FAM13C: variants seen among roughly 807,000 people sequenced by gnomAD.
FAM13C encodes the protein protein FAM13C.
Under a neutral mutation model 73.2 loss-of-function variants are expected in FAM13C, and 37 were observed. That is an observed-to-expected ratio of 0.51 (90% CI 0.39 to 0.67). The LOEUF is 0.67. FAM13C is among the 30% of genes least tolerant of loss of function. The probability of loss-of-function intolerance (pLI) is 0.00; values close to 1 mark genes in which losing one functional copy is unlikely to be tolerated. For synonymous variants in FAM13C, 246 were observed against 260.9 expected (o/e 0.94, Z 0.55); for missense variants, 589 against 715.6 (o/e 0.82, Z 2.02).
At chr10:59,284,385 G>T (rs771345342) in intron 5 of FAM13C, among the ~76,000 whole-genome samples, 1 of 151,964 alleles carries the variant, frequency 6.6e-6, no homozygotes, top group African/African-American at 2.4e-5. Flanking sequence ...GGTCTCAGCT[G>T]CTCTTCTGTC....
chr10:59,361,224 A>C (rs1589751178), intron 1 of FAM13C: 1 of 558,956 alleles, frequency 1.8e-6, no homozygotes, highest in Non-Finnish European at 2.8e-6. Flanking sequence ...TTTTTTTTTT[A>C]AGTGACTCCA....
chr10:59,279,331 G>T (rs1844672029), intron 6 of FAM13C, among the ~76,000 whole-genome samples: 1 of 152,194 alleles, frequency 6.6e-6, no homozygotes, highest in Non-Finnish European at 1.5e-5. Flanking sequence ...GGTTGACTCT[G>T]ACCTATGTCA....
chr10:59,358,741 G>GT (rs1856027654), intron 1 of FAM13C, among the ~76,000 whole-genome samples: 1 of 152,132 alleles, frequency 6.6e-6, no homozygotes, highest in Admixed American at 6.5e-5. Flanking sequence ...AGTACAATCA[G>GT]TTAAAAATGG....
chr10:59,359,819 T>C (rs1408001719), intron 1 of FAM13C, among the ~76,000 whole-genome samples: 1 of 152,248 alleles, frequency 6.6e-6, no homozygotes, highest in African/African-American at 2.4e-5. Flanking sequence ...TCCAGTCCCC[T>C]TCCCCAGTTG....
intron 3 of FAM13C, among the ~76,000 whole-genome samples, chr10:59,346,299 AG>A (rs1185406141): frequency 6.6e-6 from 1 of 152,240 alleles, no homozygotes; most frequent in Non-Finnish European, 1.5e-5. Flanking sequence ...CCAGAAATAT[AG>A]TAAATATTTT....
intron 4 of FAM13C, among the ~76,000 whole-genome samples, chr10:59,313,147 G>C (rs1473399481): frequency 6.6e-6 from 1 of 152,184 alleles, no homozygotes; most frequent in Non-Finnish European, 1.5e-5. Flanking sequence ...GGATCATCCA[G>C]TGATAACACC....
chr10:59,270,236 G>T, intron 6 of FAM13C, 127 bp from the exon 7 acceptor site: 1 of 883,504 alleles, frequency 1.1e-6, no homozygotes, highest in Non-Finnish European at 1.7e-6. Context: ...TCCTTCTGGG[G>T]ATATGAAAAG....
At chr10:59,349,611 A>AAAAT (rs1393663895) in intron 3 of FAM13C, among the ~76,000 whole-genome samples, 1 of 151,986 alleles carries the variant, frequency 6.6e-6, no homozygotes, top group Non-Finnish European at 1.5e-5. Flanking sequence ...ACAAAAAAAA[A>AAAAT]AATTAGCAGG....
At chr10:59,318,145 A>T (rs867165358) in intron 4 of FAM13C, among the ~76,000 whole-genome samples, 3 of 151,296 alleles carry the variant, frequency 2.0e-5, no homozygotes, top group Admixed American at 6.6e-5. Context: ...CACTTATTTG[A>T]TTATTAGTAG....
At chr10:59,273,641 T>C (rs1207876065) in intron 6 of FAM13C, among the ~76,000 whole-genome samples, 1 of 152,136 alleles carries the variant, frequency 6.6e-6, no homozygotes, top group Non-Finnish European at 1.5e-5. Context: ...GTTGCGTAAC[T>C]AGGCTATCTC....
At chr10:59,302,761 G>T (rs751931257) in intron 5 of FAM13C, 40 bp downstream of exon 5, 17 of 1,537,846 alleles carry the variant, frequency 1.1e-5, no homozygotes, top group Non-Finnish European at 1.5e-5. Context: ...CTCATGATTG[G>T]CTAATTCATG....
At chr10:59,296,821 A>G (rs1386164922) in intron 5 of FAM13C, 1 of 152,230 alleles carries the variant, frequency 6.6e-6, no homozygotes, top group Non-Finnish European at 1.5e-5. Context: ...TGATGAGGAC[A>G]CACACAAATC....
At chr10:59,351,580 T>G (rs1048540261) in intron 3 of FAM13C, among the ~76,000 whole-genome samples, 7 of 152,184 alleles carry the variant, frequency 4.6e-5, no homozygotes, top group African/African-American at 1.7e-4. Context: ...TGGATGAAAC[T>G]GAGACTTCTG....
intron 6 of FAM13C, among the ~76,000 whole-genome samples, chr10:59,281,595 C>T (rs146717564): frequency 4.2e-4 from 64 of 152,330 alleles, no homozygotes; most frequent in African/African-American, 1.5e-3. Flanking sequence ...TTCTGCACAT[C>T]TCTGCCATTT....
At chr10:59,339,547 C>T (rs1853211370) in intron 3 of FAM13C, among the ~76,000 whole-genome samples, 1 of 152,144 alleles carries the variant, frequency 6.6e-6, no homozygotes, top group Admixed American at 6.5e-5. Flanking sequence ...TCCAACAGTA[C>T]ATGGATGATA....
upstream of FAM13C, chr10:59,362,664 G>A (rs2132255052): frequency 8.0e-7 from 1 of 1,251,616 alleles, no homozygotes; most frequent in South Asian, 1.6e-5. Flanking sequence ...CAGCCCGCGA[G>A]GCTGCGGGGA....
At chr10:59,295,156 G>A (rs1382262464) in intron 5 of FAM13C, among the ~76,000 whole-genome samples, 1 of 152,226 alleles carries the variant, frequency 6.6e-6, no homozygotes, top group Non-Finnish European at 1.5e-5. Context: ...TGTGTGGTAG[G>A]CAGAATCCTA....
chr10:59,329,462 C>T (rs926182320), intron 3 of FAM13C, among the ~76,000 whole-genome samples: 3 of 142,330 alleles, frequency 2.1e-5, no homozygotes, highest in Non-Finnish European at 4.5e-5. Flanking sequence ...CAGGTTCAAG[C>T]GATTCTCCTG....
At chr10:59,262,923 A>G (rs1217764700) in intron 9 of FAM13C, among the ~76,000 whole-genome samples, 1 of 152,196 alleles carries the variant, frequency 6.6e-6, no homozygotes, top group Non-Finnish European at 1.5e-5. Context: ...AAGAGTTTGC[A>G]GGAAAACCAG....
Sources: allele counts gnomAD v4.1 joint callset (sites outside exome capture counted in the v4.1 genomes callset), GRCh38; gene constraint gnomAD v4.1.1; transcripts MANE v1.5; gene names NCBI Gene and HGNC (gene_info 2026-07-23, HGNC 2026-07-21).